GRID1: variants seen among roughly 807,000 people sequenced by gnomAD.
The protein encoded by GRID1 is glutamate ionotropic receptor delta type subunit 1, also known as glutamate receptor ionotropic, delta-1.
GRID1 carries 28 observed loss-of-function variants against 98.0 expected under a neutral mutation model. The observed-to-expected ratio is 0.29, with a 90% confidence interval of 0.21 to 0.39. The LOEUF (loss-of-function observed/expected upper bound fraction) is 0.39. Ranked by LOEUF, GRID1 falls within the 10% of genes least tolerant of loss-of-function variation. The pLI is 1.00. For synonymous variants in GRID1, 553 were observed against 538.5 expected (o/e 1.03, Z -0.37); for missense variants, 1,111 against 1,340.5 (o/e 0.83, Z 2.67).
chr10:85,692,663 T>TCA (rs1220279096), intron 12 of GRID1, among the ~76,000 whole-genome samples: 1 of 27,314 alleles, frequency 3.7e-5, no homozygotes, highest in East Asian at 1.7e-3. Flanking sequence ...TGAGACCCTG[T>TCA]TAAAAAAAAA....
chr10:86,243,582 C>G (rs1370891522), intron 2 of GRID1, among the ~76,000 whole-genome samples: 5 of 152,154 alleles, frequency 3.3e-5, no homozygotes, highest in Admixed American at 6.5e-5. Context: ...ACAGCTAACA[C>G]AGAGGGAGCA....
intron 8 of GRID1, among the ~76,000 whole-genome samples, chr10:85,742,300 A>G (rs1841951981): frequency 6.6e-6 from 1 of 152,148 alleles, no homozygotes; most frequent in Non-Finnish European, 1.5e-5. Flanking sequence ...TGTCTGGGCC[A>G]TATGGTCTCT....
At position 86,318,571 on chromosome 10, in the gene GRID1, G is replaced by A. The variant is rs1157968969; in HGVS notation, c.235+45370C>T. Among the ~76,000 whole-genome samples the A allele has an allele frequency of 2.0e-5, 3 of 152,168 alleles. No homozygotes were observed. In the East Asian group the frequency reaches 5.8e-4, roughly 29 times the overall value. ...GGGATGCCCCAGGGCCTGAGGACAA[G>A]AGAACCCACACAGGCTAGGCCTGGC... On this transcript the variant is annotated intron_variant, in intron 2 of 15. Transcript: ENST00000327946.
chr10:85,678,907 A>G (rs1218853278), intron 12 of GRID1, among the ~76,000 whole-genome samples: 2 of 152,126 alleles, frequency 1.3e-5, no homozygotes, highest in African/African-American at 4.8e-5. Context: ...TTTTCTCTCA[A>G]TGGATAAAGG....
intron 3 of GRID1, among the ~76,000 whole-genome samples, chr10:86,200,558 G>T (rs1845933078): frequency 1.3e-5 from 2 of 152,160 alleles, no homozygotes; most frequent in African/African-American, 2.4e-5. Context: ...TAGAGAGGGA[G>T]GTTTCAGCAG....
intron 4 of GRID1, among the ~76,000 whole-genome samples, chr10:86,021,770 A>G (rs1013019135): frequency 2.6e-5 from 4 of 152,106 alleles, no homozygotes; most frequent in Non-Finnish European, 5.9e-5. Context: ...CCTGCGTAGT[A>G]TATTCTGTAA....
At chr10:85,819,760 A>T (rs1052865284) in intron 8 of GRID1, among the ~76,000 whole-genome samples, 5 of 151,974 alleles carry the variant, frequency 3.3e-5, no homozygotes, top group African/African-American at 1.2e-4. Flanking sequence ...CTAAAAATAC[A>T]AAAATTAGCC....
At chr10:85,998,426 T>A (rs1039807740) in intron 4 of GRID1, among the ~76,000 whole-genome samples, 3 of 152,026 alleles carry the variant, frequency 2.0e-5, no homozygotes, top group Non-Finnish European at 2.9e-5. Context: ...TAGAAAATAT[T>A]TTGAATTACA....
intron 12 of GRID1, among the ~76,000 whole-genome samples, chr10:85,693,508 T>C (rs1841356158): frequency 1.3e-5 from 2 of 151,870 alleles, no homozygotes; most frequent in Non-Finnish European, 1.5e-5. Context: ...CTGTAACAAA[T>C]GTGCTACACA....
In GRID1 at chr10:86,177,354, G is replaced by A. The variant is rs142582337; in HGVS notation, c.520+29010C>T. ...GCTCAACATTCAACTTACTTCTCTG[G>A]AGGCTTCAGGCAGGAGAGAGAGAGA... On this transcript the variant is annotated intron_variant, in intron 3 of 15. Coordinates refer to ENST00000327946, the MANE Select transcript of GRID1 (RefSeq NM_017551.3). Among the ~76,000 whole-genome samples, 220 of 152,218 alleles carry A rather than the reference G, an allele frequency of 1.4e-3. 1 individual carries two copies. Among genetic ancestry groups the A allele is most frequent in the African/African-American group, 5.2e-3 (214 of 41,532 alleles).
At chr10:86,033,241 T>C (rs1286864346) in intron 4 of GRID1, among the ~76,000 whole-genome samples, 1 of 152,010 alleles carries the variant, frequency 6.6e-6, no homozygotes, top group Non-Finnish European at 1.5e-5. Flanking sequence ...AAGAAAAATG[T>C]GAAAAGTAAA....
At position 86,366,528 on chromosome 10, in the gene GRID1, C is replaced by T; in HGVS notation, c.-136G>A. 1 of 402,220 alleles carries T rather than the reference C, an allele frequency of 2.5e-6. No homozygotes were observed. Among genetic ancestry groups the T allele is most frequent in the South Asian group, 9.6e-5 (1 of 10,374 alleles). The allele number at this position is 402,220 out of a possible 1,614,324, so 24.9% of individuals were successfully genotyped here. On this transcript the variant is annotated 5_prime_UTR_variant, in exon 1 of 16. Coordinates refer to ENST00000327946, the MANE Select transcript of GRID1 (RefSeq NM_017551.3). This position sits in a 1 kb window ranked among gnomAD's most constrained non-coding sequence, Gnocchi z 4.1. ...GAGCCCGCCCGTGCGTCTTCCCCCG[C>T]GCGCCCGCCCCTGCGCCCTGCGCCC... is the stretch of plus-strand genomic sequence containing the variant.
intron 4 of GRID1, among the ~76,000 whole-genome samples, chr10:85,923,241 A>C (rs1465020086): frequency 6.6e-6 from 1 of 152,158 alleles, no homozygotes; most frequent in Non-Finnish European, 1.5e-5. Flanking sequence ...ATCTGGGCAG[A>C]GGGAAAAGCA....
chr10:86,122,864 G>A (rs1047419941), intron 4 of GRID1, among the ~76,000 whole-genome samples: 4 of 152,204 alleles, frequency 2.6e-5, no homozygotes, highest in African/African-American at 9.7e-5. Flanking sequence ...TGGAGACAAG[G>A]GGGGAGCCCA....
At chr10:85,836,143 T>A (rs949851625) in intron 8 of GRID1, among the ~76,000 whole-genome samples, 4 of 151,112 alleles carry the variant, frequency 2.6e-5, no homozygotes, top group African/African-American at 9.7e-5. Flanking sequence ...CAAAATAAAT[T>A]CAAAGCAAGC....
At chr10:85,978,717 A>C (rs1373593584) in intron 4 of GRID1, among the ~76,000 whole-genome samples, 11 of 152,166 alleles carry the variant, frequency 7.2e-5, no homozygotes, top group African/African-American at 2.4e-4. Flanking sequence ...CTCTTATTCA[A>C]ATTAGAAGAA....
chr10:85,870,865 T>C (rs1843271894), intron 5 of GRID1, among the ~76,000 whole-genome samples: 1 of 152,024 alleles, frequency 6.6e-6, no homozygotes, highest in South Asian at 2.1e-4. Flanking sequence ...CCCCACAAAA[T>C]GCTAATATTA....
At chr10:85,730,941 G>A (rs1400777868) in intron 8 of GRID1, among the ~76,000 whole-genome samples, 1 of 152,158 alleles carries the variant, frequency 6.6e-6, no homozygotes, top group Non-Finnish European at 1.5e-5. Flanking sequence ...AGTATATACT[G>A]TTGTCAGGGA....
chr10:86,252,938 A>G (rs1846860414), intron 2 of GRID1, among the ~76,000 whole-genome samples: 1 of 152,210 alleles, frequency 6.6e-6, no homozygotes, highest in South Asian at 2.1e-4. Flanking sequence ...TATTTGTAAT[A>G]TGTTTACTGA....
Sources: allele counts gnomAD v4.1 joint callset (sites outside exome capture counted in the v4.1 genomes callset), GRCh38; gene constraint gnomAD v4.1.1; non-coding constraint Gnocchi (gnomAD v3.1); transcripts MANE v1.5; gene names NCBI Gene and HGNC (gene_info 2026-07-23, HGNC 2026-07-21).